The following ATG10 variants were observed in gnomAD, a reference collection of about 807,000 sequenced individuals.
The protein encoded by ATG10 is ubiquitin-like-conjugating enzyme ATG10.
A neutral mutation model predicts 32.1 loss-of-function variants in ATG10; 30 were observed. That is an observed-to-expected ratio of 0.94 (90% CI 0.70 to 1.27). The LOEUF is 1.27. Among genes scored for constraint, ATG10 ranks in the 50% most tolerant of loss-of-function variants. The probability of loss-of-function intolerance (pLI) is 0.00; values close to 1 mark genes in which losing one functional copy is unlikely to be tolerated. For synonymous variants in ATG10, 87 were observed against 91.5 expected (o/e 0.95, Z 0.28); for missense variants, 233 against 262.3 (o/e 0.89, Z 0.77).
intron 3 of ATG10, among the ~76,000 whole-genome samples, chr5:82,059,181 G>A (rs1763692530): frequency 6.6e-6 from 1 of 152,056 alleles, no homozygotes; most frequent in Non-Finnish European, 1.5e-5. Context: ...ACTAATGACT[G>A]AGTGGTTTTC....
chr5:82,158,921 T>C (rs1427966192), intron 3 of ATG10, among the ~76,000 whole-genome samples: 1 of 152,114 alleles, frequency 6.6e-6, no homozygotes, highest in Non-Finnish European at 1.5e-5. Context: ...GTGGGAGATA[T>C]TTCAGTGGAT....
intron 5 of ATG10, among the ~76,000 whole-genome samples, chr5:82,214,317 T>G (rs1745595693): frequency 6.6e-6 from 1 of 152,148 alleles, no homozygotes; most frequent in African/African-American, 2.4e-5. Context: ...GTGAATAGAG[T>G]TAACTTTTCT....
chr5:82,164,596 C>T (rs1743505586), intron 4 of ATG10, 59 bp downstream of exon 4: 1 of 1,456,604 alleles, frequency 6.9e-7, no homozygotes, highest in Non-Finnish European at 9.4e-7. Context: ...AAGCAAAAAG[C>T]ATATTTGGAA....
chr5:82,252,711 A>G (rs1301273648), intron 6 of ATG10, 52 bp downstream of exon 6: 3 of 1,058,698 alleles, frequency 2.8e-6, no homozygotes, highest in Admixed American at 2.4e-5. Context: ...TTAAAAGTGT[A>G]AATCTTTTTA....
At chr5:82,049,116 T>C (rs1189043757) in intron 2 of ATG10, among the ~76,000 whole-genome samples, 49 of 151,472 alleles carry the variant, frequency 3.2e-4, no homozygotes, top group Non-Finnish European at 5.9e-4. Context: ...TCTTGCGGCA[T>C]TATTCACAAT....
At chr5:82,131,913 A>G (rs1411407689) in intron 3 of ATG10, among the ~76,000 whole-genome samples, 1 of 152,070 alleles carries the variant, frequency 6.6e-6, no homozygotes, top group East Asian at 1.9e-4. Flanking sequence ...ATCATGGCAG[A>G]AGGCAAAGAG....
chr5:82,234,091 A>C (rs185131022), intron 5 of ATG10, among the ~76,000 whole-genome samples: 6 of 152,206 alleles, frequency 3.9e-5, no homozygotes, highest in Admixed American at 2.6e-4. Context: ...TTTTAGTAAG[A>C]TTTGTTTGTG....
Position 82,057,172 on chromosome 5 carries a change from C to T in ATG10, c.109-1323C>T, listed in dbSNP as rs571323330. Among the ~76,000 whole-genome samples, 16 of 152,224 alleles carry T rather than the reference C, an allele frequency of 1.1e-4. No individual in the cohort carries two copies. The South Asian group carries it at 3.3e-3, about 32-fold the overall frequency. On this transcript the variant is annotated intron_variant, in intron 2 of 7. Transcript: ENST00000282185. The stretch of plus-strand genomic sequence containing the variant: ...CAATCAACAACTAACCAGTGCAGCC[C>T]CCTGAGTGAGAGCTGGCTGTTTGTC...
intron 3 of ATG10, among the ~76,000 whole-genome samples, chr5:82,059,407 C>CA (rs1763700267): frequency 9.8e-6 from 1 of 102,384 alleles, no homozygotes; most frequent in African/African-American, 3.5e-5. Flanking sequence ...CACACACACA[C>CA]TTTTTTTTTT....
In ATG10 at chr5:82,055,851, A is replaced by G. The variant is rs72776840; in HGVS notation, c.109-2644A>G. Among the ~76,000 whole-genome samples, 157 of 152,330 alleles carry G rather than the reference A, an allele frequency of 1.0e-3. 1 individual carries two copies. The highest frequency in any genetic ancestry group is 3.4e-3 in the Middle Eastern group (1 of 294). On this transcript the variant is annotated intron_variant, in intron 2 of 7. Coordinates refer to ENST00000282185, the MANE Select transcript of ATG10 (RefSeq NM_031482.5). ...TGCTGTACATTTTCTTTGTTTAGAT[A>G]TGCTTAGATACACAAATACTTACAA...
intron 5 of ATG10, among the ~76,000 whole-genome samples, chr5:82,203,950 A>G (rs1745185381): frequency 6.6e-6 from 1 of 152,228 alleles, no homozygotes; most frequent in Admixed American, 6.5e-5. Context: ...GAGGTACTCA[A>G]TAACAGAATA....
chr5:82,117,517 G>T (rs1260980523), intron 3 of ATG10, among the ~76,000 whole-genome samples: 1 of 152,026 alleles, frequency 6.6e-6, no homozygotes, highest in Non-Finnish European at 1.5e-5. Context: ...TTTGAATCCT[G>T]GTTGGTACTG....
chr5:82,242,416 A>C (rs1206645809), intron 5 of ATG10, among the ~76,000 whole-genome samples: 1 of 152,156 alleles, frequency 6.6e-6, no homozygotes, highest in Middle Eastern at 3.2e-3. Flanking sequence ...TAAGAGTTCC[A>C]GGAGGAGAGG....
chr5:82,073,220 G>A (rs754799215), intron 3 of ATG10: 1 of 152,200 alleles, frequency 6.6e-6, no homozygotes, highest in Non-Finnish European at 1.5e-5. Flanking sequence ...CAAGGTTCAT[G>A]AAACAATTCT....
intron 3 of ATG10, among the ~76,000 whole-genome samples, chr5:82,139,921 C>G (rs1194422055): frequency 2.2e-4 from 30 of 134,712 alleles, no homozygotes; most frequent in Admixed American, 2.0e-3. Flanking sequence ...GGCCAGCCGC[C>G]CCATCCGGGA....
Position 82,241,145 on chromosome 5 carries a change from C to T in ATG10, c.454-11417C>T, listed in dbSNP as rs551022273. ...GTCAAGAAAATGTGAAAAAGCATTCCACCTTAGTGTCATCCTTGGCTCTTC... is the reference window on the plus strand; with the variant it reads ...GTCAAGAAAATGTGAAAAAGCATTCTACCTTAGTGTCATCCTTGGCTCTTC... On this transcript the variant is annotated intron_variant, in intron 5 of 7. Transcript: ENST00000282185. 4.5e-4 allele frequency among the ~76,000 whole-genome samples: 69 copies of T among 152,250 alleles called. 1 individual carries two copies. The South Asian group carries it at 0.014, about 31-fold the overall frequency.
At chr5:82,103,812 A>G (rs1765359633) in intron 3 of ATG10, among the ~76,000 whole-genome samples, 1 of 152,134 alleles carries the variant, frequency 6.6e-6, no homozygotes, top group Non-Finnish European at 1.5e-5. Flanking sequence ...ACCAATTCCC[A>G]GATGAAGAAA....
chr5:82,064,102 A>G (rs1763869169), intron 3 of ATG10, among the ~76,000 whole-genome samples: 2 of 152,240 alleles, frequency 1.3e-5, no homozygotes, highest in South Asian at 4.1e-4. Context: ...TTTACAGACT[A>G]GATTATCTAT....
chr5:82,207,884 A>G (rs1745356895), intron 5 of ATG10, among the ~76,000 whole-genome samples: 1 of 152,204 alleles, frequency 6.6e-6, no homozygotes, highest in African/African-American at 2.4e-5. Flanking sequence ...AATAAATTAA[A>G]ATAGCTACAT....
Sources: allele counts gnomAD v4.1 joint callset (sites outside exome capture counted in the v4.1 genomes callset), GRCh38; gene constraint gnomAD v4.1.1; transcripts MANE v1.5; gene names NCBI Gene and HGNC (gene_info 2026-07-23, HGNC 2026-07-21).